Variants in PALD1 observed in about 807,000 individuals in gnomAD.
The protein encoded by PALD1 is phosphatase domain containing paladin 1.
Under a neutral mutation model 96.0 loss-of-function variants are expected in PALD1, and 57 were observed. That is an observed-to-expected ratio of 0.59 (90% CI 0.48 to 0.74). PALD1 has a LOEUF of 0.74. Among genes scored for constraint, PALD1 ranks in the 30% least tolerant of loss-of-function variants. The pLI is 0.00. For missense variants in PALD1, 1,063 were observed against 1,143.7 expected, an observed-to-expected ratio of 0.93 and a Z score of 1.02; for synonymous variants, 464 against 473.6, an observed-to-expected ratio of 0.98 and a Z score of 0.26.
chr10:70,476,303 C>T (rs1481037235), upstream of PALD1, among the ~76,000 whole-genome samples: 1 of 152,196 alleles, frequency 6.6e-6, no homozygotes, highest in Non-Finnish European at 1.5e-5. Flanking sequence ...GGGGAGAGAG[C>T]AGGATGCCTT....
intron 2 of PALD1, among the ~76,000 whole-genome samples, chr10:70,526,789 G>A (rs1041010791): frequency 2.0e-5 from 3 of 152,206 alleles, no homozygotes; most frequent in Admixed American, 6.5e-5. Flanking sequence ...CTCCTGGTGC[G>A]TTGAGAAGCC....
chr10:70,556,397 C>G (rs993185388), intron 18 of PALD1, among the ~76,000 whole-genome samples: 1 of 152,014 alleles, frequency 6.6e-6, no homozygotes, highest in African/African-American at 2.4e-5. Flanking sequence ...CTCACTGTAG[C>G]CTCAACCTCC....
chr10:70,489,816 C>G (rs1382202105), intron 1 of PALD1, among the ~76,000 whole-genome samples: 1 of 152,168 alleles, frequency 6.6e-6, no homozygotes, highest in Admixed American at 6.5e-5. Context: ...TAGTCACTCC[C>G]CACCCCCAGC....
intron 18 of PALD1, among the ~76,000 whole-genome samples, chr10:70,553,155 T>C (rs967518635): frequency 3.9e-5 from 6 of 152,112 alleles, no homozygotes; most frequent in African/African-American, 1.4e-4. Flanking sequence ...TGCAGAATGG[T>C]GATCTGCTGG....
chr10:70,504,955 A>G (rs1474468133), intron 1 of PALD1, among the ~76,000 whole-genome samples: 1 of 152,242 alleles, frequency 6.6e-6, no homozygotes, highest in African/African-American at 2.4e-5. Context: ...TCGTCACGTT[A>G]AGATCCACTG....
the PALD1 span, among the ~76,000 whole-genome samples, chr10:70,471,009 G>A: frequency 4.6e-5 from 7 of 151,252 alleles, no homozygotes; most frequent in African/African-American, 1.5e-4. Context: ...TAGTAGAGAC[G>A]GGGTTTCACC....
In PALD1 at chr10:70,555,724, G is replaced by A. The variant is rs189810816; in HGVS notation, c.2262+8278G>A. On this transcript the variant is annotated intron_variant, in intron 18 of 19. Transcript: ENST00000263563. ...CTCTTGAAAACTCTGGCTGTTGGCCGGGCGCAGTGGCTCCCGCCTGTAATC... is the reference window on the plus strand; with the variant it reads ...CTCTTGAAAACTCTGGCTGTTGGCCAGGCGCAGTGGCTCCCGCCTGTAATC... Among the ~76,000 whole-genome samples the A allele has an allele frequency of 6.6e-5, 10 of 152,326 alleles. No homozygotes were observed. In the East Asian group the frequency reaches 1.2e-3, roughly 18 times the overall value.
At chr10:70,543,370 A>G (rs923821415) in intron 17 of PALD1, among the ~76,000 whole-genome samples, 9 of 152,176 alleles carry the variant, frequency 5.9e-5, no homozygotes, top group African/African-American at 2.2e-4. Context: ...TTGATGCACA[A>G]AAGTTTTTAA....
chr10:70,511,138 G>C (rs923788961), intron 1 of PALD1, among the ~76,000 whole-genome samples: 2 of 152,220 alleles, frequency 1.3e-5, no homozygotes, highest in African/African-American at 4.8e-5. Flanking sequence ...TGTGGCATGT[G>C]ATCACTGAGG....
Position 70,533,022 on chromosome 10 carries a change from A to G in PALD1, c.822A>G (p.Gln274=). ...ACCACCGCCTGCCCCTGCCCGAGCA[A>G]GGGAGTCCCCTGGAGGCCCAGTTGG... The part of the protein sequence containing the change: ...YRYHRLPLPE[Q]GSPLEAQLDA... The change falls in exon 7 of 20, where the codon CAA becomes CAG. Residue 274 remains glutamine, a synonymous_variant. Coordinates refer to ENST00000263563, the MANE Select transcript of PALD1 (RefSeq NM_014431.3). The G allele has an allele frequency of 6.3e-7, 1 of 1,586,990 alleles. No homozygotes were observed. The highest frequency in any genetic ancestry group is 1.3e-5 in the African/African-American group (1 of 74,480).
chr10:70,498,809 A>T (rs1174304445), intron 1 of PALD1, among the ~76,000 whole-genome samples: 1 of 151,654 alleles, frequency 6.6e-6, no homozygotes, highest in Non-Finnish European at 1.5e-5. Flanking sequence ...GTGCCTGTAA[A>T]CCCAGCTACT....
the PALD1 span, among the ~76,000 whole-genome samples, chr10:70,461,151 G>C: frequency 6.6e-6 from 1 of 152,214 alleles, no homozygotes; most frequent in Non-Finnish European, 1.5e-5. Context: ...CCTTCTTTCC[G>C]CTTCTAGAGT....
Position 70,537,782 on chromosome 10 carries a change from T to G in PALD1, c.1228-29T>G, listed in dbSNP as rs755707042. The G allele has an allele frequency of 3.3e-6, 5 of 1,518,428 alleles. No homozygotes were observed. The Admixed American group carries it at 8.4e-5, about 25-fold the overall frequency. The allele number at this position is 1,518,428 out of a possible 1,614,324, so 94.1% of individuals were successfully genotyped here. A position where few individuals can be genotyped will look rare whatever the true frequency, so the allele number is the denominator to read the frequency against. On this transcript the variant is annotated intron_variant, in intron 10 of 19. Coordinates refer to ENST00000263563, the MANE Select transcript of PALD1 (RefSeq NM_014431.3). ...CAGGGACAAGACTGCCTGAGGAGTC[T>G]GTCCTTAACACCCTGTCCTCTCTCT...
intron 1 of PALD1, among the ~76,000 whole-genome samples, chr10:70,523,119 C>T (rs1340924375): frequency 2.6e-5 from 4 of 152,232 alleles, no homozygotes; most frequent in African/African-American, 7.2e-5. Context: ...TCTACCCCTG[C>T]GGCCTGCAGC....
chr10:70,505,279 C>A (rs918199572), intron 1 of PALD1, among the ~76,000 whole-genome samples: 3 of 152,144 alleles, frequency 2.0e-5, no homozygotes, highest in Admixed American at 6.6e-5. Context: ...AAGGGACAGG[C>A]TCACTTTACT....
chr10:70,561,941 C>T (rs1847745544), intron 18 of PALD1, among the ~76,000 whole-genome samples: 2 of 152,340 alleles, frequency 1.3e-5, no homozygotes, highest in African/African-American at 2.4e-5. Context: ...ATTTCCATCC[C>T]CCTCCAGGCA....
intron 2 of PALD1, 53 bp downstream of exon 2, chr10:70,526,189 G>A (rs1249182424): frequency 2.9e-5 from 43 of 1,494,224 alleles, no homozygotes; most frequent in Non-Finnish European, 4.0e-5. Flanking sequence ...ATGGGCGGGG[G>A]GACCTGCTTG....
intron 18 of PALD1, among the ~76,000 whole-genome samples, chr10:70,558,042 A>T (rs1847649109): frequency 6.8e-6 from 1 of 145,998 alleles, no homozygotes; most frequent in South Asian, 2.2e-4. Flanking sequence ...GGCTCAAGTC[A>T]TCCTCCCACC....
chr10:70,529,921 G>A lies in PALD1; in HGVS notation c.321G>A (p.Glu107=), dbSNP rs773237217. Reference sequence around the variant, plus strand: ...ACTTCCTGGTGCGGGATGTCACTGAGAAGATGGATGTGCTGGGCACCGTGG... The same window carrying A: ...ACTTCCTGGTGCGGGATGTCACTGAAAAGATGGATGTGCTGGGCACCGTGG... ...GRYFLVRDVT[E]KMDVLGTVGS... The change falls in exon 4 of 20, where the codon GAG becomes GAA. Residue 107 remains glutamate (E), a synonymous_variant. Transcript: ENST00000263563. 1 of 1,614,014 alleles carries A rather than the reference G, an allele frequency of 6.2e-7. No homozygotes were observed. The highest frequency in any genetic ancestry group is 1.1e-5 in the South Asian group (1 of 91,086).
Sources: allele counts gnomAD v4.1 joint callset (sites outside exome capture counted in the v4.1 genomes callset), GRCh38; gene constraint gnomAD v4.1.1; transcripts MANE v1.5; gene names NCBI Gene and HGNC (gene_info 2026-07-23, HGNC 2026-07-21).